Variants in EFHB observed in about 807,000 individuals in gnomAD.
EFHB encodes the protein EF-hand domain family member B.
Under a neutral mutation model 87.2 loss-of-function variants are expected in EFHB, and 91 were observed. The observed-to-expected ratio is 1.04, with a 90% CI of 0.88 to 1.24. EFHB has a LOEUF of 1.24. EFHB is among the 50% of genes most tolerant of loss of function. The pLI, the probability that EFHB is intolerant of heterozygous loss-of-function variation, is 0.00. For synonymous variants in EFHB, 325 were observed against 333.6 expected (o/e 0.97, Z 0.28); for missense variants, 1,084 against 998.8 (o/e 1.09, Z -1.15).
At chr3:19,908,562 A>AAGAGAGAAAGAGAG (rs1559459432) in intron 5 of EFHB, among the ~76,000 whole-genome samples, 7 of 83,888 alleles carry the variant, frequency 8.3e-5, no homozygotes, top group African/African-American at 3.4e-4. Flanking sequence ...GAAAGAGAGA[A>AAGAGAGAAAGAGAG]AGAGAGAGAG....
rs966351071 is a variant in EFHB at position 19,908,422 on chromosome 3, A to T, written c.1289-2673T>A. On this transcript the variant is annotated intron_variant, in intron 5 of 12. Transcript: ENST00000295824. Reference sequence around the variant, plus strand: ...GTGGCGGGCGCCTGTAATCCCAGCTACTTGGGAGGCTGAGGCAGGAGAATT... The same window carrying T: ...GTGGCGGGCGCCTGTAATCCCAGCTTCTTGGGAGGCTGAGGCAGGAGAATT... 3.3e-5 allele frequency among the ~76,000 whole-genome samples: 5 copies of T among 151,932 alleles called. 1 individual carries two copies. Among genetic ancestry groups the T allele is most frequent in the African/African-American group, 1.2e-4 (5 of 41,332 alleles).
rs1470412266 is a variant in EFHB at position 19,888,507 on chromosome 3, T to C, written c.1870A>G (p.Asn624Asp). Residue 624 changes from asparagine (N) to aspartate (D), a missense_variant, in exon 10 of 13, where the codon AAT becomes GAT. Coordinates refer to ENST00000295824, the MANE Select transcript of EFHB (RefSeq NM_144715.4). Reference protein sequence around the residue: ...DGFINYLEFANFLNWKDKMLL... With the variant: ...DGFINYLEFADFLNWKDKMLL... ...ATTTTGTCTTTCCAGTTAAGAAAAT[T>C]TGCGAATTCCAGATAGTTAATGAAG... 1 of 1,577,024 alleles carries C rather than the reference T, an allele frequency of 6.3e-7. No homozygotes were observed. Among genetic ancestry groups the C allele is most frequent in the African/African-American group, 1.3e-5 (1 of 74,278 alleles).
At chr3:19,889,901 C>T (rs374574781) in intron 9 of EFHB, among the ~76,000 whole-genome samples, 5 of 152,264 alleles carry the variant, frequency 3.3e-5, no homozygotes, top group African/African-American at 1.2e-4. Flanking sequence ...GCAGGAGAAT[C>T]GCTTGAATCC....
intron 3 of EFHB, among the ~76,000 whole-genome samples, chr3:19,918,643 T>C (rs1215680236): frequency 2.0e-5 from 3 of 151,954 alleles, no homozygotes; most frequent in Non-Finnish European, 4.4e-5. Flanking sequence ...ACTAAAAGGT[T>C]TACAATGATA....
intron 1 of EFHB, among the ~76,000 whole-genome samples, chr3:19,921,303 T>A (rs1021130612): frequency 6.6e-6 from 1 of 151,552 alleles, no homozygotes; most frequent in African/African-American, 2.4e-5. Context: ...AGTGAGAGAG[T>A]CTTTAGGGTT....
At position 19,933,877 on chromosome 3, in the gene EFHB, C is replaced by T; in HGVS notation, c.142G>A (p.Val48Met). The change falls in exon 1 of 13, where the codon GTG becomes ATG. Residue 48 changes from valine (V) to methionine (M), a missense_variant. By Grantham distance (21) the Val-to-Met change is conservative. Coordinates refer to ENST00000295824, the MANE Select transcript of EFHB (RefSeq NM_144715.4). The stretch of plus-strand genomic sequence containing the variant: ...CTTCCCTCACACTTATTACTAACCA[C>T]AGGGCTCTCCCCGCATCGGGAATCT... ...KEDSRCGESP[V>M]VSNKCEGRMA... The T allele has an allele frequency of 6.2e-7, 1 of 1,614,000 alleles. No homozygotes were observed. Among genetic ancestry groups the T allele is most frequent in the Non-Finnish European group, 8.5e-7 (1 of 1,179,900 alleles).
chr3:19,879,497 T>C lies in EFHB; in HGVS notation c.*134A>G. On this transcript the variant is annotated 3_prime_UTR_variant, in exon 13 of 13. Transcript: ENST00000295824. ...TTTTAAAATCCAAAATCTAATTTATTAGCAACACATACAGGCATATGAGTC... is the reference window on the plus strand; with the variant it reads ...TTTTAAAATCCAAAATCTAATTTATCAGCAACACATACAGGCATATGAGTC... 1.1e-6 allele frequency: 1 copy of C among 902,436 alleles called. No homozygotes were observed. Among genetic ancestry groups the C allele is most frequent in the East Asian group, 2.8e-5 (1 of 36,014 alleles). The allele number at this position is 902,436 out of a possible 1,614,324, so 55.9% of individuals were successfully genotyped here. A position where few individuals can be genotyped will look rare whatever the true frequency, so the allele number is the denominator to read the frequency against.
intron 1 of EFHB, among the ~76,000 whole-genome samples, chr3:19,926,406 G>A (rs189930110): frequency 1.1e-4 from 16 of 151,828 alleles, no homozygotes; most frequent in East Asian, 5.8e-4. Context: ...CTCTGTCGCC[G>A]AGGCTGGAGT....
chr3:19,918,011 C>T (rs1351342684), intron 4 of EFHB, among the ~76,000 whole-genome samples: 4 of 152,206 alleles, frequency 2.6e-5, no homozygotes, highest in Admixed American at 2.0e-4. Context: ...ACTATGCTCA[C>T]TATATCTGGA....
chr3:19,923,870 G>A (rs1163633201), intron 1 of EFHB, among the ~76,000 whole-genome samples: 2 of 152,170 alleles, frequency 1.3e-5, no homozygotes, highest in African/African-American at 2.4e-5. Flanking sequence ...AACCTGAGAA[G>A]AAATAACTCT....
chr3:19,888,161 AT>A (rs560485801), intron 10 of EFHB, among the ~76,000 whole-genome samples: 14 of 152,206 alleles, frequency 9.2e-5, no homozygotes, highest in Admixed American at 2.0e-4. Context: ...GTATATTTTT[AT>A]TTTTCATATA....
intron 1 of EFHB, among the ~76,000 whole-genome samples, chr3:19,941,953 G>A (rs1014830671): frequency 3.4e-5 from 5 of 149,178 alleles, no homozygotes; most frequent in Admixed American, 3.3e-4. Flanking sequence ...TCAGGTGTTT[G>A]AGACCAGCCT....
chr3:19,899,582 A>G (rs2931386), intron 6 of EFHB, 67 bp from the exon 7 acceptor site: 486,111 of 1,185,412 alleles, frequency 0.41, 102,336 homozygotes, highest in African/African-American at 0.51. Context: ...AAATATACAT[A>G]AGGCGAAGAA....
At chr3:19,889,207 G>A (rs1394675966) in intron 9 of EFHB, among the ~76,000 whole-genome samples, 1 of 152,210 alleles carries the variant, frequency 6.6e-6, no homozygotes, top group Non-Finnish European at 1.5e-5. Context: ...CACTGAGTAT[G>A]AACAGAGGGA....
rs572301811 is a variant in EFHB, at chr3:19,919,735, G to A, written c.996+98C>T. On this transcript the variant is annotated intron_variant, in intron 3 of 12. Transcript: ENST00000295824. ...AAAAGCCTAGTAAAAATATGGGTGG[G>A]AAGGAGATTGGAACTGATGAATTTC... The A allele has an allele frequency of 8.7e-5, 105 of 1,200,858 alleles. No individual in the cohort carries two copies. The African/African-American group carries it at 1.5e-3, about 17-fold the overall frequency. The allele number at this position is 1,200,858 out of a possible 1,614,324, so 74.4% of individuals were successfully genotyped here.
At chr3:19,899,987 C>T (rs374107936) in intron 6 of EFHB, among the ~76,000 whole-genome samples, 3 of 152,072 alleles carry the variant, frequency 2.0e-5, no homozygotes, top group South Asian at 4.1e-4. Context: ...CTAGGAAGAT[C>T]GCTTGAGACT....
intron 4 of EFHB, among the ~76,000 whole-genome samples, chr3:19,917,775 A>G (rs1023164728): frequency 6.6e-6 from 1 of 152,220 alleles, no homozygotes; most frequent in Admixed American, 6.5e-5. Context: ...GTTAGTACGC[A>G]GGTAGACCTC....
At chr3:19,925,197 C>T (rs991515392) in intron 1 of EFHB, among the ~76,000 whole-genome samples, 3 of 148,832 alleles carry the variant, frequency 2.0e-5, no homozygotes, top group South Asian at 2.1e-4. Flanking sequence ...AGCCGAGATC[C>T]GGCCACTGCA....
At chr3:19,936,877 A>C (rs1388614242), upstream of EFHB, among the ~76,000 whole-genome samples, 2 of 87,004 alleles carry the variant, frequency 2.3e-5, no homozygotes, top group Non-Finnish European at 5.4e-5. Flanking sequence ...TCAAAATAAT[A>C]AATAAATAAA....
Sources: gnomAD v4.1 joint callset for allele counts (sites outside exome capture counted in the v4.1 genomes callset) on GRCh38, gnomAD v4.1.1 for gene constraint, MANE v1.5 for transcripts, NCBI Gene and HGNC (gene_info 2026-07-23, HGNC 2026-07-21) for gene names.